SYNE1: variants seen among roughly 807,000 people sequenced by gnomAD.
SYNE1 encodes nesprin-1.
SYNE1 carries 616 observed loss-of-function variants against 1,111.0 expected under a neutral mutation model. The observed-to-expected ratio is 0.55, with a 90% confidence interval of 0.52 to 0.59. The LOEUF (loss-of-function observed/expected upper bound fraction) is 0.59, where lower values mean the gene tolerates loss of function less well. Ranked by LOEUF, SYNE1 falls within the 20% of genes least tolerant of loss-of-function variation. SYNE1 has a pLI of 0.00. For synonymous variants in SYNE1, 3,855 were observed against 3,825.8 expected (o/e 1.01, Z -0.28); for missense variants, 10,006 against 10,417.0 (o/e 0.96, Z 1.72).
Position 152,215,055 on chromosome 6 carries a change from C to T in SYNE1, c.22197G>A (p.Gln7399=). The stretch of plus-strand genomic sequence containing the variant: ...GAGCCATGCTGCTGAATTTTAACAT[C>T]TGTCCCTAGAAGGAAGATTTAAAAG... ...IQERMEELKG[Q]MLKFSSMAPD... The change falls in exon 122 of 146, where the codon CAG becomes CAA. Residue 7399 remains glutamine (Q), a synonymous_variant. Coordinates refer to ENST00000367255, the MANE Select transcript of SYNE1 (RefSeq NM_182961.4). The T allele has an allele frequency of 1.2e-6, 2 of 1,614,042 alleles. No homozygotes were observed. The highest frequency in any genetic ancestry group is 1.7e-6 in the Non-Finnish European group (2 of 1,179,972).
At chr6:152,190,776 T>A (rs2072035290) in intron 127 of SYNE1, among the ~76,000 whole-genome samples, 1 of 152,202 alleles carries the variant, frequency 6.6e-6, no homozygotes, top group Admixed American at 6.5e-5. Context: ...AGTTCAGCTG[T>A]TTTAATTTTT....
intron 3 of SYNE1, among the ~76,000 whole-genome samples, chr6:152,558,974 A>ATTTT (rs1344059652): frequency 2.1e-4 from 30 of 140,276 alleles, no homozygotes; most frequent in African/African-American, 4.7e-4. Flanking sequence ...AACATATTTA[A>ATTTT]TTTTTATTTA....
chr6:152,244,579 T>C lies in SYNE1; in HGVS notation c.19650A>G (p.Leu6550=). ...CTTGCATGGACGGCTGCTCGACCTG[T>C]AGCTTGTCACCACGCCTCTTTAATT... is the stretch of plus-strand genomic sequence containing the variant. ...IIELKRRGDK[L]QVEQPSMQEL... Residue 6550 remains leucine, a synonymous_variant, in exon 106 of 146, where the codon CTA becomes CTG. Coordinates refer to ENST00000367255, the MANE Select transcript of SYNE1 (RefSeq NM_182961.4). 9.3e-6 allele frequency: 15 copies of C among 1,614,132 alleles called. No homozygotes were observed. The highest frequency in any genetic ancestry group is 1.3e-5 in the Non-Finnish European group (15 of 1,179,970).
intron 130 of SYNE1, among the ~76,000 whole-genome samples, chr6:152,171,524 T>C (rs577800826): frequency 1.3e-5 from 2 of 152,280 alleles, no homozygotes; most frequent in East Asian, 3.9e-4. Context: ...AGGGAAATGC[T>C]ATGAAGGAGA....
At position 152,157,947 on chromosome 6, in the gene SYNE1, C is replaced by G. The variant is rs140002460; in HGVS notation, c.23791-1850G>C. On this transcript the variant is annotated intron_variant, in intron 131 of 145. Coordinates refer to ENST00000367255, the MANE Select transcript of SYNE1 (RefSeq NM_182961.4). Reference sequence around the variant, plus strand: ...CTAATTTTTGTGTTTTTAGTAGAGACGGGGTTTCCCCATGTTGGACAGGCT... The same window carrying G: ...CTAATTTTTGTGTTTTTAGTAGAGAGGGGGTTTCCCCATGTTGGACAGGCT... Among the ~76,000 whole-genome samples, 988 of 152,046 alleles carry G rather than the reference C, an allele frequency of 6.5e-3. 9 individuals are homozygous for G. The highest frequency in any genetic ancestry group is 0.022 in the African/African-American group (918 of 41,482).
intron 104 of SYNE1, among the ~76,000 whole-genome samples, chr6:152,252,283 TTAAA>T (rs34950680): frequency 4.0e-5 from 6 of 151,296 alleles, no homozygotes; most frequent in Non-Finnish European, 7.4e-5. Context: ...AATAAATAAA[TTAAA>T]TAAATAAATA....
chr6:152,226,221 G>A (rs973865537), intron 115 of SYNE1, among the ~76,000 whole-genome samples: 1 of 152,112 alleles, frequency 6.6e-6, no homozygotes, highest in Non-Finnish European at 1.5e-5. Flanking sequence ...ATATATGTTG[G>A]TATTCAAAAA....
intron 3 of SYNE1, among the ~76,000 whole-genome samples, chr6:152,568,298 T>TC (rs1415414934): frequency 2.5e-3 from 350 of 137,328 alleles, no homozygotes; most frequent in Non-Finnish European, 4.0e-3. Flanking sequence ...TCTTTTTTTT[T>TC]TTTTTTTTTT....
At chr6:152,329,694 G>A in intron 78 of SYNE1, 36 bp downstream of exon 78, 2 of 1,614,024 alleles carry the variant, frequency 1.2e-6, no homozygotes, top group Non-Finnish European at 8.5e-7. Flanking sequence ...AATAAGCAGA[G>A]TGGAAAAAAG....
chr6:152,480,522 CAAT>C (rs761755132), intron 14 of SYNE1, among the ~76,000 whole-genome samples: 4 of 152,166 alleles, frequency 2.6e-5, no homozygotes, highest in Admixed American at 6.5e-5. Flanking sequence ...GCCTCCATTT[CAAT>C]AATAATAATA....
chr6:152,212,198 CTT>C (rs1294943979), intron 123 of SYNE1, among the ~76,000 whole-genome samples: 2 of 152,108 alleles, frequency 1.3e-5, no homozygotes, highest in Non-Finnish European at 2.9e-5. Context: ...TATTTACAGA[CTT>C]TACAATCATT....
chr6:152,331,265 G>A lies in SYNE1; in HGVS notation c.13420C>T (p.Arg4474Ter), dbSNP rs773028680. The A allele has an allele frequency of 6.2e-6, 10 of 1,614,006 alleles. No individual in the cohort carries two copies. The East Asian group carries it at 6.7e-5, about 11-fold the overall frequency. The change falls in exon 78 of 146, where the codon CGA becomes TGA. Residue 4474 changes from arginine (R) to a stop codon, truncating the protein, a stop_gained. Transcript: ENST00000367255. LOFTEE classifies it high-confidence loss of function. ...ATGTGTTCACGGAACATTATCTTTC[G>A]CTCATGTTGCTGAATTTGGCTGGTG... ...QATSQIQQHERKIMFREHICL... is the reference protein window; with the variant it reads ...QATSQIQQHE
At chr6:152,594,990 C>T (rs911336087) in intron 3 of SYNE1, among the ~76,000 whole-genome samples, 1 of 152,194 alleles carries the variant, frequency 6.6e-6, no homozygotes, top group Non-Finnish European at 1.5e-5. Context: ...ATTACCATTG[C>T]TAGTTTACAC....
In SYNE1 at chr6:152,465,272, CTGAT is replaced by C; in HGVS notation, c.1914_1917del (p.Ser639LysfsTer21). ...ACCAATCTTACCTTTTTGGCATTTT[CTGAT>C]TGATTGAGCATTTTTTCAGCATCCT... On this transcript the variant is annotated frameshift_variant, in exon 18 of 146. Transcript: ENST00000367255. LOFTEE classifies it high-confidence loss of function. The C allele has an allele frequency of 6.2e-7, 1 of 1,613,628 alleles. No homozygotes were observed. Among genetic ancestry groups the C allele is most frequent in the South Asian group, 1.1e-5 (1 of 91,074 alleles).
At chr6:152,394,688 G>A (rs2154139324) in intron 51 of SYNE1, among the ~76,000 whole-genome samples, 1 of 151,778 alleles carries the variant, frequency 6.6e-6, no homozygotes, top group South Asian at 2.1e-4. Flanking sequence ...ACTTTATTAA[G>A]ATTACAAGGA....
At chr6:152,259,275 A>T (rs2091538830) in intron 101 of SYNE1, among the ~76,000 whole-genome samples, 1 of 149,894 alleles carries the variant, frequency 6.7e-6, no homozygotes, top group African/African-American at 2.4e-5. Flanking sequence ...TAGTTGCCTA[A>T]TTTTTTTTTT....
chr6:152,271,907 C>G (rs981917893), intron 98 of SYNE1, among the ~76,000 whole-genome samples: 5 of 152,290 alleles, frequency 3.3e-5, no homozygotes, highest in Middle Eastern at 3.4e-3. Context: ...TTTTTCAGAG[C>G]CCGGCCTGAA....
At chr6:152,214,251 C>T (rs958742553) in intron 122 of SYNE1, among the ~76,000 whole-genome samples, 14 of 149,624 alleles carry the variant, frequency 9.4e-5, no homozygotes, top group Non-Finnish European at 1.8e-4. Context: ...TTAAAATGTA[C>T]CTCTTTTAAA....
chr6:152,559,544 GC>G lies in SYNE1; in HGVS notation c.68-19524del, dbSNP rs202107423. 5.2e-3 allele frequency among the ~76,000 whole-genome samples: 797 copies of G among 152,068 alleles called. 9 individuals carry two copies. The highest frequency in any genetic ancestry group is 0.018 in the African/African-American group (752 of 41,482). On this transcript the variant is annotated intron_variant, in intron 3 of 145. Transcript: ENST00000367255. ...AAACAATTCATTGAACAATCAATGG[GC>G]CAAAAAATAAAAGGGAAACCAAAAA...
Sources: allele counts gnomAD v4.1 joint callset (sites outside exome capture counted in the v4.1 genomes callset), GRCh38; gene constraint gnomAD v4.1.1; transcripts MANE v1.5; gene names NCBI Gene and HGNC (gene_info 2026-07-23, HGNC 2026-07-21).